Variants in DLG2 observed in about 807,000 individuals in gnomAD.
DLG2 encodes discs large MAGUK scaffold protein 2.
A neutral mutation model predicts 132.5 loss-of-function variants in DLG2; 45 were observed. The observed-to-expected ratio is 0.34, with a 90% confidence interval of 0.27 to 0.44. DLG2 has a LOEUF of 0.44. Ranked by LOEUF, DLG2 falls within the 20% of genes least tolerant of loss-of-function variation. The pLI, the probability that DLG2 is intolerant of heterozygous loss-of-function variation, is 1.00. For synonymous variants in DLG2, 424 were observed against 419.6 expected (o/e 1.01, Z -0.13); for missense variants, 1,045 against 1,196.9 (o/e 0.87, Z 1.87).
chr11:84,333,054 C>G (rs1459664272), intron 7 of DLG2, among the ~76,000 whole-genome samples: 9 of 152,216 alleles, frequency 5.9e-5, no homozygotes, highest in Non-Finnish European at 1.0e-4. Context: ...TTCTAGCCCA[C>G]TTTTCAGACA....
At chr11:84,237,300 T>C (rs572941470) in intron 8 of DLG2, among the ~76,000 whole-genome samples, 1 of 152,258 alleles carries the variant, frequency 6.6e-6, no homozygotes, top group East Asian at 1.9e-4. Flanking sequence ...CTTTGAGACA[T>C]CAGCAAAAGT....
chr11:84,713,288 C>T (rs114727926), intron 6 of DLG2, among the ~76,000 whole-genome samples: 151 of 152,152 alleles, frequency 9.9e-4, no homozygotes, highest in African/African-American at 3.4e-3. Context: ...TTACTTAAAC[C>T]ACCTGCACCC....
intron 3 of DLG2, among the ~76,000 whole-genome samples, chr11:85,393,837 C>G (rs60762917): frequency 0.04 from 6,115 of 152,048 alleles, 386 homozygotes; most frequent in African/African-American, 0.14. Flanking sequence ...TGTTCTCACT[C>G]ATAAATGGAA....
At chr11:83,920,590 G>A (rs975903072) in intron 15 of DLG2, among the ~76,000 whole-genome samples, 1 of 151,994 alleles carries the variant, frequency 6.6e-6, no homozygotes, top group Non-Finnish European at 1.5e-5. Context: ...ATCTATTGGG[G>A]GGGTCACAAT....
intron 7 of DLG2, among the ~76,000 whole-genome samples, chr11:84,431,666 T>C (rs892371211): frequency 6.6e-6 from 1 of 152,168 alleles, no homozygotes; most frequent in African/African-American, 2.4e-5. Context: ...ATACTCTGTA[T>C]GAAAACTATT....
intron 6 of DLG2, among the ~76,000 whole-genome samples, chr11:85,099,066 A>C (rs181468459): frequency 1.3e-4 from 20 of 152,332 alleles, no homozygotes; most frequent in Admixed American, 9.8e-4. Context: ...GAGCTACAGC[A>C]ACTAATGTTC....
rs933046923 is a variant in DLG2 at position 83,932,497 on chromosome 11, G to A, written c.1341-2014C>T. ...GATCTGCCTGCCTCTGCCTCCCAAAGTGCTGGGATTACAGGCGTGAGCCAC... is the reference window on the plus strand; with the variant it reads ...GATCTGCCTGCCTCTGCCTCCCAAAATGCTGGGATTACAGGCGTGAGCCAC... On this transcript the variant is annotated intron_variant, in intron 14 of 27. Coordinates refer to ENST00000376104, the MANE Select transcript of DLG2 (RefSeq NM_001142699.3). 1.3e-5 allele frequency among the ~76,000 whole-genome samples: 2 copies of A among 151,982 alleles called. 1 individual carries two copies. Among genetic ancestry groups the A allele is most frequent in the Non-Finnish European group, 2.9e-5 (2 of 67,996 alleles).
chr11:83,689,879 A>G (rs1444784923), intron 18 of DLG2, among the ~76,000 whole-genome samples: 1 of 147,134 alleles, frequency 6.8e-6, no homozygotes, highest in Admixed American at 6.9e-5. Context: ...TAATATTTAC[A>G]TAATTGATAT....
chr11:84,203,737 G>C (rs2096628647), intron 8 of DLG2, among the ~76,000 whole-genome samples: 1 of 151,994 alleles, frequency 6.6e-6, no homozygotes, highest in Non-Finnish European at 1.5e-5. Flanking sequence ...GAGAACACAT[G>C]AACACATGGA....
chr11:83,737,848 C>T (rs749845014), intron 18 of DLG2, among the ~76,000 whole-genome samples: 7 of 152,074 alleles, frequency 4.6e-5, no homozygotes, highest in Non-Finnish European at 7.4e-5. Flanking sequence ...GTTAGTTGAA[C>T]TGGTTCCTGA....
intron 6 of DLG2, among the ~76,000 whole-genome samples, chr11:84,814,396 C>T (rs1389023773): frequency 6.6e-6 from 1 of 152,052 alleles, no homozygotes; most frequent in Non-Finnish European, 1.5e-5. Context: ...ATTTCAGACA[C>T]CCATAGCTAC....
At chr11:85,501,148 G>A (rs529854573) in intron 3 of DLG2, among the ~76,000 whole-genome samples, 25 of 152,168 alleles carry the variant, frequency 1.6e-4, no homozygotes, top group African/African-American at 4.6e-4. Context: ...TGACAAACCC[G>A]ACAAAAACAA....
chr11:84,565,121 T>C (rs2099447320), intron 6 of DLG2, among the ~76,000 whole-genome samples: 1 of 152,122 alleles, frequency 6.6e-6, no homozygotes, highest in South Asian at 2.1e-4. Flanking sequence ...AAATAAAATA[T>C]TTTCATTTAT....
rs548870680 is a variant in DLG2 at position 83,839,923 on chromosome 11, C to T, written c.1566-6153G>A. The stretch of plus-strand genomic sequence containing the variant: ...TTCAGGTTTTGACTTTTAGGATAAA[C>T]TCCCAACTTGAAGTCTCCTTGATCC... On this transcript the variant is annotated intron_variant, in intron 16 of 27. Transcript: ENST00000376104. 3.9e-4 allele frequency among the ~76,000 whole-genome samples: 59 copies of T among 152,274 alleles called. 1 individual carries two copies. In the South Asian group the frequency reaches 0.012, roughly 32 times the overall value.
At chr11:85,038,270 C>A (rs1197616485) in intron 6 of DLG2, among the ~76,000 whole-genome samples, 2 of 152,020 alleles carry the variant, frequency 1.3e-5, no homozygotes, top group Non-Finnish European at 2.9e-5. Context: ...TTCTGAAGTT[C>A]CTTGAGATAA....
At chr11:84,306,286 A>G (rs527703843) in intron 7 of DLG2, among the ~76,000 whole-genome samples, 1 of 152,208 alleles carries the variant, frequency 6.6e-6, no homozygotes, top group Non-Finnish European at 1.5e-5. Context: ...AATTAAAAAT[A>G]AAATAAAACT....
chr11:84,366,145 T>TG (rs2098680992), intron 7 of DLG2, among the ~76,000 whole-genome samples: 1 of 151,064 alleles, frequency 6.6e-6, no homozygotes, highest in Non-Finnish European at 1.5e-5. Context: ...CAGAAGAGAG[T>TG]GGGGGCCAAT....
chr11:84,935,812 C>A (rs2048678756), intron 6 of DLG2, among the ~76,000 whole-genome samples: 1 of 152,198 alleles, frequency 6.6e-6, no homozygotes, highest in Non-Finnish European at 1.5e-5. Flanking sequence ...CTGTACCCCA[C>A]ATGACCCTGC....
At chr11:85,324,945 C>A (rs1388479837) in intron 3 of DLG2, among the ~76,000 whole-genome samples, 1 of 147,938 alleles carries the variant, frequency 6.8e-6, no homozygotes, top group African/African-American at 2.5e-5. Flanking sequence ...CAGGGCGAGG[C>A]ATTGCCTCAC....
Sources: allele counts gnomAD v4.1 joint callset (sites outside exome capture counted in the v4.1 genomes callset), GRCh38; gene constraint gnomAD v4.1.1; transcripts MANE v1.5; gene names NCBI Gene and HGNC (gene_info 2026-07-23, HGNC 2026-07-21).